The following SGK3 variants were observed in gnomAD, a reference collection of about 807,000 sequenced individuals.
The protein encoded by SGK3 is serine/threonine-protein kinase Sgk3.
In SGK3, 47 loss-of-function variants were observed where a neutral mutation model predicts 68.5. The ratio of observed to expected loss-of-function variants is 0.69; its 90% CI spans 0.54 to 0.87. The LOEUF (loss-of-function observed/expected upper bound fraction) is 0.87. Among genes scored for constraint, SGK3 ranks in the 40% least tolerant of loss-of-function variants. The pLI is 0.00. For synonymous variants in SGK3, 181 were observed against 189.1 expected (o/e 0.96, Z 0.35); for missense variants, 479 against 575.5 (o/e 0.83, Z 1.72).
intron 14 of SGK3, among the ~76,000 whole-genome samples, chr8:66,845,004 A>T (rs1423113553): frequency 6.6e-6 from 1 of 152,250 alleles, no homozygotes; most frequent in Non-Finnish European, 1.5e-5. Context: ...ATTTATTTAG[A>T]GGACTTTGAA....
At chr8:66,744,471 ATG>A (rs374837773) in intron 1 of SGK3, among the ~76,000 whole-genome samples, 74 of 113,680 alleles carry the variant, frequency 6.5e-4, no homozygotes, top group African/African-American at 2.3e-3. Flanking sequence ...ATATGCATAT[ATG>A]TGTGTGTGTG....
chr8:66,854,694 G>A (rs1810434105), intron 16 of SGK3, among the ~76,000 whole-genome samples: 1 of 152,176 alleles, frequency 6.6e-6, no homozygotes, highest in Admixed American at 6.5e-5. Flanking sequence ...ACAGATTGGA[G>A]TGAGGGTGCA....
chr8:66,749,953 GTGTGTGTGTGTGTA>G (rs1456827349), intron 1 of SGK3, among the ~76,000 whole-genome samples: 55 of 151,472 alleles, frequency 3.6e-4, no homozygotes, highest in African/African-American at 1.3e-3. Context: ...GTGTGTGTGT[GTGTGTGTGTGTGTA>G]TGTGTGTAAA....
At chr8:66,741,143 G>C (rs1472279629) in intron 1 of SGK3, among the ~76,000 whole-genome samples, 2 of 152,122 alleles carry the variant, frequency 1.3e-5, no homozygotes, top group African/African-American at 4.8e-5. Context: ...TGGACAGTTT[G>C]ATCAGTTTAC....
Position 66,840,068 on chromosome 8 carries a change from A to G in SGK3, c.807A>G (p.Glu269=), listed in dbSNP as rs774523452. 107 of 1,613,992 alleles carry G rather than the reference A, an allele frequency of 6.6e-5. No individual in the cohort carries two copies. Among genetic ancestry groups the G allele is most frequent in the Non-Finnish European group, 8.5e-5 (100 of 1,180,010 alleles). ...PEHRARFYAA[E]IASALGYLHS... is the part of the protein sequence containing the mutation. The stretch of plus-strand genomic sequence containing the variant: ...ACAGAGCTAGGTTTTACGCTGCTGA[A>G]ATTGCTAGTGCATTGGGTTACTTAC... Residue 269 remains glutamate (E), a synonymous_variant, in exon 11 of 17, where the codon GAA becomes GAG. Coordinates refer to ENST00000521198, the MANE Select transcript of SGK3 (RefSeq NM_001033578.3).
chr8:66,831,353 G>GTT (rs746253563), intron 8 of SGK3, 42 bp downstream of exon 8: 66 of 1,408,406 alleles, frequency 4.7e-5, no homozygotes, highest in African/African-American at 5.8e-5. Context: ...TTTGGTTTTG[G>GTT]TTTTTTTTTT....
rs780101006 is a variant in SGK3 at position 66,852,716 on chromosome 8, C to G, written c.1320+1796C>G. Among the ~76,000 whole-genome samples the G allele has an allele frequency of 1.3e-3, 195 of 152,238 alleles. 2 individuals are homozygous for G. Among genetic ancestry groups the G allele is most frequent in the Non-Finnish European group, 8.8e-4 (60 of 68,014 alleles). On this transcript the variant is annotated intron_variant, in intron 16 of 16. Transcript: ENST00000521198. ...TAATTAATAGGTGTAATATTTTACA[C>G]CTACATACATAATATTTGTAGACTG... is the stretch of plus-strand genomic sequence containing the variant.
chr8:66,809,717 A>G (rs1808304413), intron 4 of SGK3, among the ~76,000 whole-genome samples: 1 of 152,242 alleles, frequency 6.6e-6, no homozygotes, highest in Non-Finnish European at 1.5e-5. Flanking sequence ...CAGTTCATAA[A>G]TAGAAGAATC....
chr8:66,813,701 T>C, intron 4 of SGK3, 152 bp from the exon 5 acceptor site: 1 of 345,926 alleles, frequency 2.9e-6, no homozygotes. Context: ...ATATAATTTC[T>C]AAGTATGTAT....
chr8:66,738,391 C>T (rs916162440), intron 1 of SGK3, among the ~76,000 whole-genome samples: 3 of 152,116 alleles, frequency 2.0e-5, no homozygotes, highest in African/African-American at 7.2e-5. Flanking sequence ...CAGATGTGAC[C>T]GTTGTCATTC....
chr8:66,842,338 A>G (rs1367393318), intron 13 of SGK3, among the ~76,000 whole-genome samples: 2 of 149,804 alleles, frequency 1.3e-5, no homozygotes, highest in Non-Finnish European at 3.0e-5. Context: ...CTCCTGCCTC[A>G]GCCCCCCGAG....
At chr8:66,811,972 G>A (rs1416775482) in intron 4 of SGK3, among the ~76,000 whole-genome samples, 2 of 152,034 alleles carry the variant, frequency 1.3e-5, no homozygotes, top group East Asian at 1.9e-4. Flanking sequence ...ATTCTTAGAC[G>A]AACAAGAAAA....
At chr8:66,746,187 T>C (rs1199002412) in intron 1 of SGK3, among the ~76,000 whole-genome samples, 2 of 152,192 alleles carry the variant, frequency 1.3e-5, no homozygotes, top group Non-Finnish European at 2.9e-5. Flanking sequence ...CTCATTCCTG[T>C]CTGGTGTTCT....
At chr8:66,745,605 CA>C (rs1459396222) in intron 1 of SGK3, among the ~76,000 whole-genome samples, 1 of 151,556 alleles carries the variant, frequency 6.6e-6, no homozygotes, top group African/African-American at 2.4e-5. Context: ...AAAAAAACAA[CA>C]AAAACTGAGT....
chr8:66,859,713 AAAT>A lies in SGK3; in HGVS notation c.*133_*135del. 4 of 1,106,936 alleles carry A rather than the reference AAAT, an allele frequency of 3.6e-6. No individual in the cohort carries two copies. Among genetic ancestry groups the A allele is most frequent in the Non-Finnish European group, 4.7e-6 (4 of 843,988 alleles). 68.6% of individuals were successfully genotyped at this position (1,106,936 alleles called of 1,614,324 possible). ...ATATGTAATGATGAAAACTATGAAAAAATGTATTTTCTTCTATGTGCAAGAAAA... is the reference window on the plus strand; with the variant it reads ...ATATGTAATGATGAAAACTATGAAAAGTATTTTCTTCTATGTGCAAGAAAA... On this transcript the variant is annotated 3_prime_UTR_variant, in exon 17 of 17. Coordinates refer to ENST00000521198, the MANE Select transcript of SGK3 (RefSeq NM_001033578.3).
At chr8:66,794,552 CTGAG>C (rs1807597031) in intron 2 of SGK3, among the ~76,000 whole-genome samples, 1 of 152,028 alleles carries the variant, frequency 6.6e-6, no homozygotes, top group Non-Finnish European at 1.5e-5. Flanking sequence ...CCCTCACCTA[CTGAG>C]TAATATGAAG....
At chr8:66,725,973 G>A (rs970421537) in intron 1 of SGK3, among the ~76,000 whole-genome samples, 6 of 151,916 alleles carry the variant, frequency 3.9e-5, no homozygotes, top group African/African-American at 1.5e-4. Flanking sequence ...TATCATCATG[G>A]TTATAATTTA....
intron 1 of SGK3, among the ~76,000 whole-genome samples, chr8:66,762,291 T>C (rs1806195580): frequency 6.6e-6 from 1 of 152,086 alleles, no homozygotes; most frequent in Admixed American, 6.6e-5. Context: ...TTAAAAAACA[T>C]AACATCAGCT....
chr8:66,726,070 T>G (rs1017138922), intron 1 of SGK3, among the ~76,000 whole-genome samples: 9 of 152,212 alleles, frequency 5.9e-5, no homozygotes, highest in African/African-American at 1.9e-4. Context: ...CCTTTTCAAG[T>G]TGTACACGCT....
Sources: allele counts gnomAD v4.1 joint callset (sites outside exome capture counted in the v4.1 genomes callset), GRCh38; gene constraint gnomAD v4.1.1; transcripts MANE v1.5; gene names NCBI Gene and HGNC (gene_info 2026-07-23, HGNC 2026-07-21).